The following CNIH3 variants were observed in gnomAD, a reference collection of about 807,000 sequenced individuals.
The protein encoded by CNIH3 is protein cornichon homolog 3.
Under a neutral mutation model 24.1 loss-of-function variants are expected in CNIH3, and 14 were observed. The observed-to-expected ratio is 0.58, with a 90% CI of 0.38 to 0.91. The LOEUF (loss-of-function observed/expected upper bound fraction) is 0.91. Ranked by LOEUF, CNIH3 falls within the 40% of genes least tolerant of loss-of-function variation. The pLI is 0.00. For synonymous variants in CNIH3, 68 were observed against 73.8 expected (o/e 0.92, Z 0.40); for missense variants, 178 against 196.8 (o/e 0.90, Z 0.57).
At chr1:224,697,714 C>A (rs1330209222) in intron 3 of CNIH3, among the ~76,000 whole-genome samples, 1 of 152,234 alleles carries the variant, frequency 6.6e-6, no homozygotes, top group Non-Finnish European at 1.5e-5. Flanking sequence ...TCCAGGCACT[C>A]ATTCTTGCCC....
chr1:224,498,848 C>T (rs1408254563), intron 1 of CNIH3, among the ~76,000 whole-genome samples: 3 of 152,182 alleles, frequency 2.0e-5, no homozygotes, highest in East Asian at 1.9e-4. Context: ...CGGGGAAAGG[C>T]GACAGGAAGA....
chr1:224,491,531 T>A (rs1677234573), intron 1 of CNIH3, among the ~76,000 whole-genome samples: 1 of 152,234 alleles, frequency 6.6e-6, no homozygotes, highest in African/African-American at 2.4e-5. Context: ...AATTATTGTA[T>A]GGCAGTTTAT....
chr1:224,719,188 A>C (rs974172922), intron 3 of CNIH3: 3 of 152,248 alleles, frequency 2.0e-5, no homozygotes, highest in Admixed American at 2.0e-4. Flanking sequence ...TTTTATGGAG[A>C]GAGACCCACA....
intron 4 of CNIH3, among the ~76,000 whole-genome samples, chr1:224,571,385 A>T (rs914210334): frequency 6.6e-6 from 1 of 152,180 alleles, no homozygotes; most frequent in African/African-American, 2.4e-5. Context: ...AAATAACAGA[A>T]GCAGTTTTTA....
At chr1:224,470,011 A>C (rs7526976) in intron 1 of CNIH3, among the ~76,000 whole-genome samples, 126,716 of 151,674 alleles carry the variant, frequency 0.84, 53,287 homozygotes, top group East Asian at 0.97. Context: ...TCTTTCAGTT[A>C]TTCTTCTTCT....
chr1:224,739,378 C>G lies in CNIH3; in HGVS notation c.*22C>G, dbSNP rs375402818. The G allele has an allele frequency of 1.1e-4, 158 of 1,442,362 alleles. No individual in the cohort carries two copies. Among genetic ancestry groups the G allele is most frequent in the Non-Finnish European group, 1.4e-4 (153 of 1,077,806 alleles). 89.3% of individuals were successfully genotyped at this position (1,442,362 alleles called of 1,614,324 possible). On this transcript the variant is annotated 3_prime_UTR_variant, in exon 6 of 6. Transcript: ENST00000272133. ...TTAACGCAAAGACCATGCACATCAT[C>G]AGAGACTGAGATGGGAGAGGCCTGA...
Position 224,664,930 on chromosome 1 carries a change from G to A in CNIH3, c.82-16028G>A, listed in dbSNP as rs540997225. On this transcript the variant is annotated intron_variant, in intron 1 of 5. Coordinates refer to ENST00000272133, the MANE Select transcript of CNIH3 (RefSeq NM_152495.2). ...GGGAAACTTAGATCCAAATTTTCAAGCCAATGAATTTGGCTCTTCGGGGGC... is the reference window on the plus strand; with the variant it reads ...GGGAAACTTAGATCCAAATTTTCAAACCAATGAATTTGGCTCTTCGGGGGC... 2.6e-5 allele frequency: 4 copies of A among 152,216 alleles called. No homozygotes were observed. The East Asian group carries it at 7.7e-4, about 29-fold the overall frequency. The allele number at this position is 152,216 out of a possible 1,614,324, so 9.4% of individuals were successfully genotyped here. A position where few individuals can be genotyped will look rare whatever the true frequency, so the allele number is the denominator to read the frequency against.
At chr1:224,494,727 A>G (rs941986256) in intron 1 of CNIH3, among the ~76,000 whole-genome samples, 1 of 152,158 alleles carries the variant, frequency 6.6e-6, no homozygotes, top group Non-Finnish European at 1.5e-5. Flanking sequence ...CCACAGCTCC[A>G]ATAACAGGTG....
intron 4 of CNIH3, among the ~76,000 whole-genome samples, chr1:224,580,939 G>C (rs1224267590): frequency 6.6e-6 from 1 of 152,212 alleles, no homozygotes; most frequent in African/African-American, 2.4e-5. Flanking sequence ...TCTTGGGGTA[G>C]ATGAGGACAA....
chr1:224,599,488 C>T (rs1265303563), intron 3 of CNIH3, among the ~76,000 whole-genome samples: 1 of 151,872 alleles, frequency 6.6e-6, no homozygotes, highest in East Asian at 1.9e-4. Flanking sequence ...ACTCATTATG[C>T]CTTTTACATA....
intron 3 of CNIH3, among the ~76,000 whole-genome samples, chr1:224,694,847 A>G (rs372121775): frequency 6.6e-6 from 1 of 152,328 alleles, no homozygotes; most frequent in East Asian, 1.9e-4. Context: ...ATGGAAATCC[A>G]AATATCATAT....
intron 3 of CNIH3, among the ~76,000 whole-genome samples, chr1:224,716,940 A>G (rs868504985): frequency 3.9e-5 from 6 of 152,178 alleles, no homozygotes; most frequent in Admixed American, 6.5e-5. Context: ...GAGCCCTGCT[A>G]GGGTTCTGGA....
chr1:224,633,728 C>T (rs1174697453), intron 1 of CNIH3, among the ~76,000 whole-genome samples: 2 of 152,246 alleles, frequency 1.3e-5, no homozygotes, highest in East Asian at 1.9e-4. Context: ...AAGGGTGGGC[C>T]TCTAGATTAT....
chr1:224,568,847 T>C (rs1424882393), intron 4 of CNIH3, among the ~76,000 whole-genome samples: 1 of 152,176 alleles, frequency 6.6e-6, no homozygotes, highest in Non-Finnish European at 1.5e-5. Flanking sequence ...TTCTCAGATG[T>C]AGCTATTCTC....
intron 3 of CNIH3, among the ~76,000 whole-genome samples, chr1:224,600,947 G>A (rs549668881): frequency 1.3e-4 from 20 of 152,322 alleles, no homozygotes; most frequent in Non-Finnish European, 2.8e-4. Flanking sequence ...TAGTGTTACA[G>A]GCAGCGAATC....
chr1:224,580,835 G>A (rs572878906), intron 4 of CNIH3, among the ~76,000 whole-genome samples: 12 of 152,006 alleles, frequency 7.9e-5, no homozygotes, highest in African/African-American at 2.7e-4. Context: ...AGGGGTAGAG[G>A]GAACAGTTAA....
Position 224,453,042 on chromosome 1 carries a change from AC to A in CNIH3, n.203+18183del, listed in dbSNP as rs1347275327. ...AGGCTGAGGCAGGAGAATCACTTGA[AC>A]CCAGGAGGCAGAGGTTGCAGTGAGC... On this transcript the variant is annotated intron_variant and non_coding_transcript_variant, in intron 1 of 5. Coordinates refer to the CNIH3 transcript ENST00000471578. Among the ~76,000 whole-genome samples, 4 of 150,916 alleles carry A rather than the reference AC, an allele frequency of 2.7e-5. No homozygotes were observed. In the East Asian group the frequency reaches 7.8e-4, roughly 30 times the overall value.
intron 1 of CNIH3, among the ~76,000 whole-genome samples, chr1:224,467,935 T>C (rs528150185): frequency 1.3e-5 from 2 of 151,990 alleles, no homozygotes; most frequent in South Asian, 4.2e-4. Flanking sequence ...CACCAATTGT[T>C]GAAAGGGCCG....
At chr1:224,456,984 C>T (rs757571176) in intron 1 of CNIH3, among the ~76,000 whole-genome samples, 2 of 152,220 alleles carry the variant, frequency 1.3e-5, no homozygotes, top group Non-Finnish European at 2.9e-5. Context: ...AAGGCCACCC[C>T]GCTCAGGCCT....
Sources: gnomAD v4.1 joint callset for allele counts (sites outside exome capture counted in the v4.1 genomes callset) on GRCh38, gnomAD v4.1.1 for gene constraint, MANE v1.5 for transcripts, NCBI Gene and HGNC (gene_info 2026-07-23, HGNC 2026-07-21) for gene names.